TNS1: variants seen among roughly 807,000 people sequenced by gnomAD.
TNS1 encodes the protein tensin-1.
TNS1 carries 62 observed loss-of-function variants against 168.6 expected under a neutral mutation model. The observed-to-expected ratio is 0.37, with a 90% CI of 0.30 to 0.45. The LOEUF (loss-of-function observed/expected upper bound fraction) is 0.45. Ranked by LOEUF, TNS1 falls within the 20% of genes least tolerant of loss-of-function variation. TNS1 has a pLI of 1.00. For missense variants in TNS1, 2,240 were observed against 2,339.4 expected, an observed-to-expected ratio of 0.96 and a Z score of 0.88; for synonymous variants, 934 against 933.2, an observed-to-expected ratio of 1.00 and a Z score of -0.02.
chr2:217,859,804 G>A (rs1459827081), intron 18 of TNS1: 2 of 914,328 alleles, frequency 2.2e-6, no homozygotes, highest in Non-Finnish European at 1.7e-6. Context: ...TGAAAGGCAG[G>A]TGAACGGCCC....
At chr2:217,811,483 G>A (rs769223283) in intron 28 of TNS1, among the ~76,000 whole-genome samples, 13 of 152,158 alleles carry the variant, frequency 8.5e-5, no homozygotes, top group Admixed American at 7.2e-4. Context: ...TTATGTGTGG[G>A]CATAGCCCCA....
intron 30 of TNS1, 99 bp downstream of exon 30, chr2:217,809,724 T>C (rs1940466522): frequency 2.3e-6 from 3 of 1,278,544 alleles, no homozygotes; most frequent in South Asian, 1.4e-5. Flanking sequence ...AGCAGTTGGG[T>C]GCAAGGAATC....
At chr2:217,908,998 G>A (rs1954027424) in intron 4 of TNS1, among the ~76,000 whole-genome samples, 1 of 152,068 alleles carries the variant, frequency 6.6e-6, no homozygotes, top group Admixed American at 6.5e-5. Flanking sequence ...CTCAGGGTAA[G>A]TCAGAGCTCG....
intron 3 of TNS1, among the ~76,000 whole-genome samples, chr2:217,928,416 G>T (rs1418099576): frequency 6.6e-6 from 1 of 152,114 alleles, no homozygotes; most frequent in African/African-American, 2.4e-5. Flanking sequence ...AGGCTCCCTG[G>T]CCTGCTAGTC....
At chr2:217,939,804 C>T (rs1956817761) in intron 3 of TNS1, among the ~76,000 whole-genome samples, 2 of 152,228 alleles carry the variant, frequency 1.3e-5, no homozygotes. Flanking sequence ...GGCTCAGGCC[C>T]ACCCACCACC....
At chr2:217,982,213 G>GA in intron 2 of TNS1, among the ~76,000 whole-genome samples, 1 of 152,210 alleles carries the variant, frequency 6.6e-6, no homozygotes, top group South Asian at 2.1e-4. Flanking sequence ...AGCATTACCT[G>GA]AGCCATGTGG....
chr2:217,996,444 A>G (rs1216121169), intron 1 of TNS1, among the ~76,000 whole-genome samples: 5 of 152,010 alleles, frequency 3.3e-5, no homozygotes, highest in Admixed American at 6.5e-5. Flanking sequence ...TGGGAGTCCC[A>G]TGGGCACCTC....
intron 3 of TNS1, among the ~76,000 whole-genome samples, chr2:217,964,529 G>A (rs571761948): frequency 2.0e-5 from 3 of 152,302 alleles, no homozygotes; most frequent in South Asian, 4.1e-4. Flanking sequence ...GTGCCCTAGC[G>A]ATTATATTAA....
At chr2:217,836,301 C>CTGAG in intron 19 of TNS1, 90 bp from the exon 20 acceptor site, 4 of 1,313,390 alleles carry the variant, frequency 3.0e-6, no homozygotes, top group Admixed American at 2.4e-5. Context: ...GGCAGTGCCT[C>CTGAG]CTAGCTCAGA....
At chr2:217,905,674 C>A (rs180983435) in intron 6 of TNS1, among the ~76,000 whole-genome samples, 32 of 152,298 alleles carry the variant, frequency 2.1e-4, no homozygotes, top group African/African-American at 7.5e-4. Flanking sequence ...GAAGAAAAGA[C>A]AAAGCCCCAC....
At chr2:217,920,792 A>G (rs1334048096) in intron 3 of TNS1, among the ~76,000 whole-genome samples, 1 of 152,112 alleles carries the variant, frequency 6.6e-6, no homozygotes, top group Admixed American at 6.5e-5. Flanking sequence ...AAAGGGACCC[A>G]CCAGCCCTTC....
At chr2:217,824,021 C>CT (rs1346633777) in intron 22 of TNS1, among the ~76,000 whole-genome samples, 6 of 152,230 alleles carry the variant, frequency 3.9e-5, no homozygotes, top group African/African-American at 1.2e-4. Flanking sequence ...GCCCAGTACA[C>CT]TTTTTTGTAA....
At chr2:217,998,534 T>C (rs1438524721) in intron 1 of TNS1, among the ~76,000 whole-genome samples, 1 of 152,174 alleles carries the variant, frequency 6.6e-6, no homozygotes, top group Non-Finnish European at 1.5e-5. Flanking sequence ...TGGGCCTTGC[T>C]CTGTCGCCTG....
At chr2:217,855,234 C>T (rs991642448) in intron 18 of TNS1, among the ~76,000 whole-genome samples, 2 of 152,172 alleles carry the variant, frequency 1.3e-5, no homozygotes, top group Non-Finnish European at 2.9e-5. Flanking sequence ...GAACACCCTC[C>T]ACTCTACTCC....
chr2:217,886,029 C>T lies in TNS1; in HGVS notation c.1040+15G>A, dbSNP rs770011926. ...CTTGGGCTTCTCTGGCCTCTCACGC[C>T]CATGTAATACTTACTAGATGCCAGA... On this transcript the variant is annotated intron_variant, in intron 14 of 32. Coordinates refer to ENST00000682258, the MANE Select transcript of TNS1 (RefSeq NM_001387777.1). 2.2e-5 allele frequency: 36 copies of T among 1,613,742 alleles called. No individual in the cohort carries two copies. The highest frequency in any genetic ancestry group is 5.0e-5 in the Admixed American group (3 of 59,986).
At chr2:217,869,231 G>A (rs1298868135) in intron 18 of TNS1, among the ~76,000 whole-genome samples, 1 of 152,198 alleles carries the variant, frequency 6.6e-6, no homozygotes, top group Non-Finnish European at 1.5e-5. Flanking sequence ...GGTAGATGCA[G>A]GCAGGCTCCA....
intron 1 of TNS1, chr2:217,992,560 C>T (rs2126089361): frequency 6.6e-6 from 1 of 152,350 alleles, no homozygotes; most frequent in East Asian, 1.9e-4. Context: ...CATAGAAAGA[C>T]AGAGAGAAAA....
intron 16 of TNS1, among the ~76,000 whole-genome samples, chr2:217,882,781 G>A (rs1381382131): frequency 6.6e-6 from 1 of 151,918 alleles, no homozygotes; most frequent in Non-Finnish European, 1.5e-5. Context: ...GTCTCGCTCT[G>A]TCGCCCAGCC....
chr2:217,878,064 C>T (rs1950347132), intron 18 of TNS1, among the ~76,000 whole-genome samples: 1 of 152,224 alleles, frequency 6.6e-6, no homozygotes, highest in Non-Finnish European at 1.5e-5. Flanking sequence ...GAGAGGCCTG[C>T]CACTCATCAG....
Sources: gnomAD v4.1 joint callset for allele counts (sites outside exome capture counted in the v4.1 genomes callset) on GRCh38, gnomAD v4.1.1 for gene constraint, MANE v1.5 for transcripts, NCBI Gene and HGNC (gene_info 2026-07-23, HGNC 2026-07-21) for gene names.